The following OR11H6 variants were observed in gnomAD, a reference collection of about 807,000 sequenced individuals.
The protein encoded by OR11H6 is olfactory receptor family 11 subfamily H member 6.
A neutral mutation model predicts 9.2 loss-of-function variants in OR11H6; 4 were observed. That is an observed-to-expected ratio of 0.44 (90% CI 0.21 to 1.00). The LOEUF (loss-of-function observed/expected upper bound fraction) is 1.00. Among genes scored for constraint, OR11H6 ranks in the 50% least tolerant of loss-of-function variants. The pLI is 0.26. For missense variants in OR11H6, 381 were observed against 390.9 expected (o/e 0.97, Z 0.21); for synonymous variants, 136 against 148.9 (o/e 0.91, Z 0.63).
At position 20,224,259 on chromosome 14, in the gene OR11H6, C is replaced by T. The variant is rs946398048; in HGVS notation, c.550C>T (p.Leu184Phe). Residue 184 changes from leucine (L) to phenylalanine (F), a missense_variant, in exon 1 of 1, where the codon CTT (leucine) becomes TTT (phenylalanine). Physicochemically the swap from Leu to Phe is conservative, Grantham distance 22. Coordinates refer to ENST00000315519, the MANE Select transcript of OR11H6 (RefSeq NM_001004480.1). ...AGTCCCTATTGTTCTTATCTCCCAA[C>T]TTCCCTTCTGTGGGCCCAACATCAT... ...YPVPIVLISQ[L>F]PFCGPNIIDH... 2 of 1,614,114 alleles carry T rather than the reference C, an allele frequency of 1.2e-6. No homozygotes were observed. The highest frequency in any genetic ancestry group is 1.7e-5 in the Admixed American group (1 of 60,004).
rs377700349 is a variant in OR11H6, at chr14:20,224,216, C to G, written c.507C>G (p.Gly169=). ...TTCTGGTCTGTGTATGCTGGGTAGGCGGATTTCTCTGCTATCCAGTCCCTA... is the reference window on the plus strand; with the variant it reads ...TTCTGGTCTGTGTATGCTGGGTAGGGGGATTTCTCTGCTATCCAGTCCCTA... ...CIILVCVCWV[G]GFLCYPVPIV... The change falls in exon 1 of 1, where the codon GGC becomes GGG. Residue 169 remains glycine (G), a synonymous_variant. Coordinates refer to ENST00000315519, the MANE Select transcript of OR11H6 (RefSeq NM_001004480.1). 6.2e-7 allele frequency: 1 copy of G among 1,614,004 alleles called. No individual in the cohort carries two copies. Among genetic ancestry groups the G allele is most frequent in the Admixed American group, 1.7e-5 (1 of 60,000 alleles).
In OR11H6 at chr14:20,223,994, T is replaced by A; in HGVS notation, c.285T>A (p.Thr95=). The part of the protein sequence containing the change: ...AFLEIWYISS[T]VPNMLVNILS... ...TAGAGATCTGGTACATTTCCTCCAC[T>A]GTCCCAAACATGCTAGTCAATATCC... The change falls in exon 1 of 1, where the codon ACT becomes ACA. Residue 95 remains threonine (T), a synonymous_variant. Coordinates refer to ENST00000315519, the MANE Select transcript of OR11H6 (RefSeq NM_001004480.1). The A allele has an allele frequency of 2.5e-6, 4 of 1,614,156 alleles. No individual in the cohort carries two copies. Among genetic ancestry groups the A allele is most frequent in the Non-Finnish European group, 3.4e-6 (4 of 1,180,002 alleles).
Position 20,224,540 on chromosome 14 carries a change from T to C in OR11H6, c.831T>C (p.Tyr277=), listed in dbSNP as rs1566362625. ...SLFYGTLMVM[Y]VSPTSGNPAG... ...TCTATGGAACCCTTATGGTGATGTATGTGAGCCCAACATCAGGGAACCCAG... is the reference window on the plus strand; with the variant it reads ...TCTATGGAACCCTTATGGTGATGTACGTGAGCCCAACATCAGGGAACCCAG... Residue 277 remains tyrosine (Y), a synonymous_variant, in exon 1 of 1, where the codon TAT becomes TAC. Transcript: ENST00000315519. 6.2e-7 allele frequency: 1 copy of C among 1,613,380 alleles called. No individual in the cohort carries two copies. Among genetic ancestry groups the C allele is most frequent in the Admixed American group, 1.7e-5 (1 of 60,016 alleles).
At position 20,223,748 on chromosome 14, in the gene OR11H6, T is replaced by C. The variant is rs1383887246; in HGVS notation, c.39T>C (p.Phe13=). ...TTCATTCTTTGGTTACTTCTGTTTT[T>C]CTAACAGCTTTGGGACCCCAGAACA... ...FIIHSLVTSV[F]LTALGPQNRT... The change falls in exon 1 of 1, where the codon TTT becomes TTC. Residue 13 remains phenylalanine, a synonymous_variant. Coordinates refer to ENST00000315519, the MANE Select transcript of OR11H6 (RefSeq NM_001004480.1). 1 of 1,612,810 alleles carries C rather than the reference T, an allele frequency of 6.2e-7. No homozygotes were observed. The highest frequency in any genetic ancestry group is 8.5e-7 in the Non-Finnish European group (1 of 1,179,426).
chr14:20,224,077 T>A lies in OR11H6; in HGVS notation c.368T>A (p.Phe123Tyr). ...SGCFLQFYFF[F>Y]SLGTTECFFL... ...TGCTTCCTGCAATTCTATTTCTTTT[T>A]TTCACTGGGTACAACAGAGTGTTTC... The change falls in exon 1 of 1, where the codon TTT (phenylalanine) becomes TAT (tyrosine). Residue 123 changes from phenylalanine to tyrosine, a missense_variant. Coordinates refer to ENST00000315519, the MANE Select transcript of OR11H6 (RefSeq NM_001004480.1). 1 of 1,613,986 alleles carries A rather than the reference T, an allele frequency of 6.2e-7. No homozygotes were observed. The highest frequency in any genetic ancestry group is 8.5e-7 in the Non-Finnish European group (1 of 1,179,852).
In OR11H6 at chr14:20,223,764, C is replaced by T; in HGVS notation, c.55C>T (p.Pro19Ser). The T allele has an allele frequency of 6.2e-7, 1 of 1,613,866 alleles. No individual in the cohort carries two copies. The highest frequency in any genetic ancestry group is 8.5e-7 in the Non-Finnish European group (1 of 1,179,836). Residue 19 changes from proline (P) to serine (S), a missense_variant, in exon 1 of 1, where the codon CCC becomes TCC. Coordinates refer to ENST00000315519, the MANE Select transcript of OR11H6 (RefSeq NM_001004480.1). ...TTCTGTTTTTCTAACAGCTTTGGGA[C>T]CCCAGAACAGAACAATGCATTTTGT... The part of the protein sequence containing the change: ...VTSVFLTALG[P>S]QNRTMHFVTE...
chr14:20,224,628 A>C lies in OR11H6; in HGVS notation c.919A>C (p.Ile307Leu). 6.2e-7 allele frequency: 1 copy of C among 1,613,888 alleles called. No homozygotes were observed. The highest frequency in any genetic ancestry group is 8.5e-7 in the Non-Finnish European group (1 of 1,179,790). ...TAMTPFLNPL[I>L]YSLRNKDMKD... ...AATGACTCCATTCTTAAATCCCCTTATCTATAGTCTTCGAAACAAAGACAT... is the reference window on the plus strand; with the variant it reads ...AATGACTCCATTCTTAAATCCCCTTCTCTATAGTCTTCGAAACAAAGACAT... Residue 307 changes from isoleucine (I) to leucine (L), a missense_variant, in exon 1 of 1, where the codon ATC becomes CTC. Transcript: ENST00000315519.
At position 20,224,601 on chromosome 14, in the gene OR11H6, G is replaced by A; in HGVS notation, c.892G>A (p.Ala298Thr). The change falls in exon 1 of 1, where the codon GCA becomes ACA. Residue 298 changes from alanine (A) to threonine (T), a missense_variant. Ala to Thr is a moderately conservative substitution (Grantham distance 58). Coordinates refer to ENST00000315519, the MANE Select transcript of OR11H6 (RefSeq NM_001004480.1). ...MQKIITLVYT[A>T]MTPFLNPLIY... The stretch of plus-strand genomic sequence containing the variant: ...GAAGATCATCACTCTGGTATACACA[G>A]CAATGACTCCATTCTTAAATCCCCT... 6.2e-7 allele frequency: 1 copy of A among 1,614,038 alleles called. No homozygotes were observed. The highest frequency in any genetic ancestry group is 8.5e-7 in the Non-Finnish European group (1 of 1,179,936).
Position 20,223,773 on chromosome 14 carries a change from A to C in OR11H6, c.64A>C (p.Arg22=), listed in dbSNP as rs1880347807. ...TCTAACAGCTTTGGGACCCCAGAACAGAACAATGCATTTTGTGACTGAGTT... is the reference window on the plus strand; with the variant it reads ...TCTAACAGCTTTGGGACCCCAGAACCGAACAATGCATTTTGTGACTGAGTT... ...VFLTALGPQN[R]TMHFVTEFVL... is the part of the protein sequence containing the mutation. The change falls in exon 1 of 1, where the codon AGA becomes CGA. Residue 22 remains arginine (R), a synonymous_variant. Transcript: ENST00000315519. The C allele has an allele frequency of 4.3e-6, 7 of 1,614,102 alleles. No individual in the cohort carries two copies. Among genetic ancestry groups the C allele is most frequent in the Non-Finnish European group, 5.9e-6 (7 of 1,179,936 alleles).
In OR11H6 at chr14:20,224,159, C is replaced by A. The variant is rs758747639; in HGVS notation, c.450C>A (p.Tyr150Ter). Residue 150 changes from tyrosine to a stop codon, truncating the protein, a stop_gained, in exon 1 of 1, where the codon TAC becomes TAA. Coordinates refer to ENST00000315519, the MANE Select transcript of OR11H6 (RefSeq NM_001004480.1). LOFTEE classifies it high-confidence loss of function. Reference sequence around the variant, plus strand: ...TGGCCATCTGTCGTCCATTACACTACCCCTCCATCATGACTGGGAAGTTCT... The same window carrying A: ...TGGCCATCTGTCGTCCATTACACTAACCCTCCATCATGACTGGGAAGTTCT... ...RYLAICRPLHYPSIMTGKFCI... is the reference protein window; with the variant it reads ...RYLAICRPLH The A allele has an allele frequency of 6.2e-7, 1 of 1,613,622 alleles. No homozygotes were observed. The highest frequency in any genetic ancestry group is 8.5e-7 in the Non-Finnish European group (1 of 1,179,588).
In OR11H6 at chr14:20,224,261, T is replaced by G; in HGVS notation, c.552T>G (p.Leu184=). Residue 184 remains leucine, a synonymous_variant, in exon 1 of 1, where the codon CTT becomes CTG. Coordinates refer to ENST00000315519, the MANE Select transcript of OR11H6 (RefSeq NM_001004480.1). ...YPVPIVLISQ[L]PFCGPNIIDH... is the part of the protein sequence containing the mutation. ...TCCCTATTGTTCTTATCTCCCAACT[T>G]CCCTTCTGTGGGCCCAACATCATTG... 1 of 1,614,058 alleles carries G rather than the reference T, an allele frequency of 6.2e-7. No individual in the cohort carries two copies. Among genetic ancestry groups the G allele is most frequent in the Non-Finnish European group, 8.5e-7 (1 of 1,179,974 alleles).
chr14:20,224,269 G>A lies in OR11H6; in HGVS notation c.560G>A (p.Cys187Tyr). Residue 187 changes from cysteine to tyrosine, a missense_variant, in exon 1 of 1, where the codon TGT becomes TAT. Physicochemically the swap from Cys to Tyr is radical, Grantham distance 194. Coordinates refer to ENST00000315519, the MANE Select transcript of OR11H6 (RefSeq NM_001004480.1). ...GTTCTTATCTCCCAACTTCCCTTCT[G>A]TGGGCCCAACATCATTGACCACTTG... ...PIVLISQLPF[C>Y]GPNIIDHLVC... is the part of the protein sequence containing the mutation. The A allele has an allele frequency of 6.2e-7, 1 of 1,614,006 alleles. No individual in the cohort carries two copies. Among genetic ancestry groups the A allele is most frequent in the Non-Finnish European group, 8.5e-7 (1 of 1,179,968 alleles).
Position 20,224,319 on chromosome 14 carries a change from G to C in OR11H6, c.610G>C (p.Ala204Pro), listed in dbSNP as rs1166602075. 1 of 1,613,948 alleles carries C rather than the reference G, an allele frequency of 6.2e-7. No homozygotes were observed. The highest frequency in any genetic ancestry group is 1.1e-5 in the South Asian group (1 of 91,072). The change falls in exon 1 of 1, where the codon GCA (alanine) becomes CCA (proline). Residue 204 changes from alanine to proline, a missense_variant. Transcript: ENST00000315519. ...HLVCDPGPLFALACISAPSTE... is the reference protein window; with the variant it reads ...HLVCDPGPLFPLACISAPSTE... ...GGTGTGTGACCCAGGCCCATTGTTT[G>C]CACTGGCCTGCATCTCTGCTCCTTC...
chr14:20,224,686 CAGTT>C lies in OR11H6; in HGVS notation c.980_983del (p.Val327AlafsTer?), dbSNP rs757005751. 3.4e-5 allele frequency: 54 copies of C among 1,597,542 alleles called. No homozygotes were observed. In the South Asian group the frequency reaches 4.0e-4, roughly 12 times the overall value. The stretch of plus-strand genomic sequence containing the variant: ...GCTCTAAAGAGAGTCCTGGGGTTAA[CAGTT>C]AGCCAAAACTGAGATATCTTTGAAA... On this transcript the variant is annotated frameshift_variant, in exon 1 of 1. Transcript: ENST00000315519. LOFTEE classifies it high-confidence loss of function.
rs141900029 is a variant in OR11H6, at chr14:20,223,833, C to A, written c.124C>A (p.Gln42Lys). 2.9e-3 allele frequency: 4,715 copies of A among 1,614,016 alleles called. 28 individuals carry two copies. Among genetic ancestry groups the A allele is most frequent in the Middle Eastern group, 0.01 (61 of 6,062 alleles). Reference sequence around the variant, plus strand: ...GGGTTTCCATGGTCAAAGGGAGATGCAGAGCTGCTTCTTCTCATTCATCCT... The same window carrying A: ...GGGTTTCCATGGTCAAAGGGAGATGAAGAGCTGCTTCTTCTCATTCATCCT... ...LLGFHGQREMQSCFFSFILVL... is the reference protein window; with the variant it reads ...LLGFHGQREMKSCFFSFILVL... Residue 42 changes from glutamine (Q) to lysine (K), a missense_variant, in exon 1 of 1, where the codon CAG (glutamine) becomes AAG (lysine). Gln to Lys is a moderately conservative substitution (Grantham distance 53, BLOSUM62 1). Transcript: ENST00000315519.
Position 20,224,498 on chromosome 14 carries a change from A to G in OR11H6, c.789A>G (p.Leu263=). ...CTTTCTCCACATGTGGGTCCCACCT[A>G]ATGGTGGTGTCTCTATTCTATGGAA... The part of the protein sequence containing the change: ...TKAFSTCGSH[L]MVVSLFYGTL... The change falls in exon 1 of 1, where the codon CTA becomes CTG. Residue 263 remains leucine (L), a synonymous_variant. Coordinates refer to ENST00000315519, the MANE Select transcript of OR11H6 (RefSeq NM_001004480.1). 1.9e-6 allele frequency: 3 copies of G among 1,613,784 alleles called. No individual in the cohort carries two copies. Among genetic ancestry groups the G allele is most frequent in the Non-Finnish European group, 2.5e-6 (3 of 1,179,728 alleles).
In OR11H6 at chr14:20,224,149, C is replaced by G; in HGVS notation, c.440C>G (p.Pro147Arg). Reference sequence around the variant, plus strand: ...GATCGGTACCTGGCCATCTGTCGTCCATTACACTACCCCTCCATCATGACT... The same window carrying G: ...GATCGGTACCTGGCCATCTGTCGTCGATTACACTACCCCTCCATCATGACT... Reference protein sequence around the residue: ...AYDRYLAICRPLHYPSIMTGK... With the variant: ...AYDRYLAICRRLHYPSIMTGK... The change falls in exon 1 of 1, where the codon CCA becomes CGA. Residue 147 changes from proline (P) to arginine (R), a missense_variant. Coordinates refer to ENST00000315519, the MANE Select transcript of OR11H6 (RefSeq NM_001004480.1). 1 of 1,613,698 alleles carries G rather than the reference C, an allele frequency of 6.2e-7. No individual in the cohort carries two copies. Among genetic ancestry groups the G allele is most frequent in the Non-Finnish European group, 8.5e-7 (1 of 1,179,640 alleles).
Position 20,223,984 on chromosome 14 carries a change from T to C in OR11H6, c.275T>C (p.Ile92Thr). 6.2e-7 allele frequency: 1 copy of C among 1,614,182 alleles called. No individual in the cohort carries two copies. Among genetic ancestry groups the C allele is most frequent in the Non-Finnish European group, 8.5e-7 (1 of 1,180,006 alleles). The change falls in exon 1 of 1, where the codon ATT becomes ACT. Residue 92 changes from isoleucine to threonine, a missense_variant. Physicochemically the swap from Ile to Thr is moderately conservative, Grantham distance 89. Coordinates refer to ENST00000315519, the MANE Select transcript of OR11H6 (RefSeq NM_001004480.1). ...TTTGCCTTTCTAGAGATCTGGTACA[T>C]TTCCTCCACTGTCCCAAACATGCTA... ...GNFAFLEIWY[I>T]SSTVPNMLVN...
In OR11H6 at chr14:20,224,087, T is replaced by C; in HGVS notation, c.378T>C (p.Gly126=). 1.2e-6 allele frequency: 2 copies of C among 1,613,880 alleles called. No homozygotes were observed. Among genetic ancestry groups the C allele is most frequent in the Non-Finnish European group, 8.5e-7 (1 of 1,179,764 alleles). The change falls in exon 1 of 1, where the codon GGT becomes GGC. Residue 126 remains glycine (G), a synonymous_variant. Coordinates refer to ENST00000315519, the MANE Select transcript of OR11H6 (RefSeq NM_001004480.1). ...FLQFYFFFSL[G]TTECFFLSVM... ...AATTCTATTTCTTTTTTTCACTGGG[T>C]ACAACAGAGTGTTTCTTTTTATCAG... is the stretch of plus-strand genomic sequence containing the variant.
Sources: allele counts gnomAD v4.1 joint callset, GRCh38; gene constraint gnomAD v4.1.1; transcripts MANE v1.5; gene names NCBI Gene and HGNC (gene_info 2026-07-23, HGNC 2026-07-21).